The following CDH18 variants were observed in gnomAD, a reference collection of about 807,000 sequenced individuals.
CDH18 encodes the protein cadherin-18.
Under a neutral mutation model 67.9 loss-of-function variants are expected in CDH18, and 31 were observed. The observed-to-expected ratio is 0.46, with a 90% confidence interval of 0.34 to 0.62. The LOEUF (loss-of-function observed/expected upper bound fraction) is 0.62, where lower values mean the gene tolerates loss of function less well. CDH18 is among the 20% of genes least tolerant of loss of function. The pLI is 0.01. For missense variants in CDH18, 890 were observed against 975.5 expected, an observed-to-expected ratio of 0.91 and a Z score of 1.17; for synonymous variants, 362 against 347.2, an observed-to-expected ratio of 1.04 and a Z score of -0.48.
intron 3 of CDH18, among the ~76,000 whole-genome samples, chr5:19,812,604 A>G (rs1410114322): frequency 6.6e-6 from 1 of 152,164 alleles, no homozygotes; most frequent in Non-Finnish European, 1.5e-5. Flanking sequence ...AGAACAACAA[A>G]CAAAACAAGA....
intron 2 of CDH18, among the ~76,000 whole-genome samples, chr5:19,878,683 A>T (rs930331711): frequency 2.0e-5 from 3 of 152,118 alleles, no homozygotes; most frequent in Admixed American, 2.0e-4. Context: ...CATGAAAAAA[A>T]ATCAAGGTTC....
Position 19,501,023 on chromosome 5 carries a change from C to T in CDH18, c.1630+1969G>A, listed in dbSNP as rs907626786. On this transcript the variant is annotated intron_variant, in intron 11 of 12. Transcript: ENST00000382275. The stretch of plus-strand genomic sequence containing the variant: ...TGGTGGGCGCCTGTAATCCCAGCTG[C>T]TTGGGAAGCCAAGGAAGGAGAATCG... Among the ~76,000 whole-genome samples, 10 of 151,580 alleles carry T rather than the reference C, an allele frequency of 6.6e-5. No individual in the cohort carries two copies. In the East Asian group the frequency reaches 1.2e-3, roughly 18 times the overall value.
In CDH18 at chr5:20,152,289, T is replaced by C. The variant is rs189777854; in HGVS notation, c.-518+103155A>G. Among the ~76,000 whole-genome samples the C allele has an allele frequency of 4.8e-3, 714 of 147,286 alleles. 3 individuals carry two copies. The highest frequency in any genetic ancestry group is 7.8e-3 in the Non-Finnish European group (521 of 66,988). ...TATAAAAACTATATAATTATATATA[T>C]ATTGGGCTTGAAAACAAATTAAAAC... On this transcript the variant is annotated intron_variant, in intron 2 of 14. Transcript: ENST00000507958.
At chr5:20,468,492 C>T (rs886666343) in intron 1 of CDH18, among the ~76,000 whole-genome samples, 1 of 152,170 alleles carries the variant, frequency 6.6e-6, no homozygotes, top group Non-Finnish European at 1.5e-5. Flanking sequence ...GCTCCTCCAT[C>T]CTCTTGGAAT....
At chr5:19,774,399 T>C (rs1246337567) in intron 3 of CDH18, among the ~76,000 whole-genome samples, 1 of 31,396 alleles carries the variant, frequency 3.2e-5, no homozygotes, top group South Asian at 1.4e-3. Context: ...GGCAAAAAAC[T>C]GAAACCTTGT....
At chr5:20,438,983 T>C (rs539283592) in intron 1 of CDH18, among the ~76,000 whole-genome samples, 2 of 151,630 alleles carry the variant, frequency 1.3e-5, no homozygotes, top group East Asian at 3.9e-4. Context: ...TTCTTTTAAA[T>C]AGTAATTAAT....
chr5:20,481,197 C>T (rs1247403345), intron 1 of CDH18, among the ~76,000 whole-genome samples: 1 of 145,464 alleles, frequency 6.9e-6, no homozygotes, highest in African/African-American at 2.7e-5. Flanking sequence ...ATTCAGACAA[C>T]TTTTTAAGCC....
At chr5:19,964,176 T>C (rs1224023990) in intron 2 of CDH18, among the ~76,000 whole-genome samples, 1 of 152,028 alleles carries the variant, frequency 6.6e-6, no homozygotes, top group Non-Finnish European at 1.5e-5. Flanking sequence ...AACTAGAACA[T>C]GATATAAAAA....
chr5:19,564,835 C>T (rs939000307), intron 8 of CDH18, among the ~76,000 whole-genome samples: 1 of 150,328 alleles, frequency 6.7e-6, no homozygotes, highest in Non-Finnish European at 1.5e-5. Context: ...AGCTAACTGC[C>T]CTGAAGGAAG....
chr5:20,304,118 A>G, intron 1 of CDH18: 2 of 1,608,688 alleles, frequency 1.2e-6, no homozygotes, highest in Non-Finnish European at 1.7e-6. Flanking sequence ...CCGAATCAAC[A>G]TGGTGACTGG....
chr5:19,588,732 A>G (rs1200586510), intron 7 of CDH18, among the ~76,000 whole-genome samples: 1 of 152,108 alleles, frequency 6.6e-6, no homozygotes, highest in African/African-American at 2.4e-5. Context: ...AAAACAGGAA[A>G]AAGCAGGGGT....
chr5:20,295,872 C>CTT (rs35024141), intron 1 of CDH18, among the ~76,000 whole-genome samples: 3,667 of 109,946 alleles, frequency 0.033, 252 homozygotes, highest in African/African-American at 0.094. Context: ...TCTTTTTTTT[C>CTT]TTTTTTTTTT....
intron 5 of CDH18, among the ~76,000 whole-genome samples, chr5:19,621,684 G>A (rs1750737440): frequency 6.6e-6 from 1 of 152,134 alleles, no homozygotes; most frequent in Admixed American, 6.6e-5. Flanking sequence ...AGAGGGAAAT[G>A]AGTTGTTGCT....
chr5:20,372,308 T>C (rs1020726413), intron 1 of CDH18, among the ~76,000 whole-genome samples: 7 of 152,312 alleles, frequency 4.6e-5, no homozygotes, highest in Admixed American at 3.9e-4. Context: ...GTAATTAGGA[T>C]AGATATCATC....
intron 5 of CDH18, among the ~76,000 whole-genome samples, chr5:19,651,401 A>G (rs1256969837): frequency 1.3e-5 from 2 of 152,114 alleles, no homozygotes; most frequent in African/African-American, 4.8e-5. Flanking sequence ...CGTAGTTCTG[A>G]AACATTATTA....
At chr5:19,649,090 T>G (rs1755204822) in intron 5 of CDH18, among the ~76,000 whole-genome samples, 1 of 152,108 alleles carries the variant, frequency 6.6e-6, no homozygotes, top group Non-Finnish European at 1.5e-5. Context: ...TAAAAATCAA[T>G]TGCTCAGGCC....
intron 5 of CDH18, among the ~76,000 whole-genome samples, chr5:19,705,178 C>A (rs556607316): frequency 1.2e-3 from 188 of 152,228 alleles, no homozygotes; most frequent in Non-Finnish European, 2.2e-3. Flanking sequence ...GTGCTGCCCC[C>A]ACTTGAGAAA....
intron 1 of CDH18, among the ~76,000 whole-genome samples, chr5:20,435,916 A>G (rs1749132796): frequency 6.6e-6 from 1 of 152,024 alleles, no homozygotes; most frequent in African/African-American, 2.4e-5. Context: ...TATTGATATC[A>G]TTATTATCAT....
At chr5:20,100,094 T>C (rs1746329545) in intron 2 of CDH18, among the ~76,000 whole-genome samples, 1 of 152,128 alleles carries the variant, frequency 6.6e-6, no homozygotes, top group South Asian at 2.1e-4. Flanking sequence ...TTCTAATTTT[T>C]GAATATCAGT....
Sources: gnomAD v4.1 joint callset for allele counts (sites outside exome capture counted in the v4.1 genomes callset) on GRCh38, gnomAD v4.1.1 for gene constraint, MANE v1.5 for transcripts, NCBI Gene and HGNC (gene_info 2026-07-23, HGNC 2026-07-21) for gene names.